The following PCBP3 variants were observed in gnomAD, a reference collection of about 807,000 sequenced individuals.
The protein encoded by PCBP3 is poly(rC)-binding protein 3.
PCBP3 carries 25 observed loss-of-function variants against 52.7 expected under a neutral mutation model. That is an observed-to-expected ratio of 0.47 (90% CI 0.35 to 0.66). The LOEUF (loss-of-function observed/expected upper bound fraction) is 0.66. Among genes scored for constraint, PCBP3 ranks in the 30% least tolerant of loss-of-function variants. PCBP3 has a pLI of 0.01. For missense variants in PCBP3, 391 were observed against 490.3 expected (o/e 0.80, Z 1.91); for synonymous variants, 162 against 183.0 (o/e 0.89, Z 0.93).
intron 1 of PCBP3, among the ~76,000 whole-genome samples, chr21:45,654,571 C>T (rs1395952148): frequency 6.6e-6 from 1 of 152,112 alleles, no homozygotes; most frequent in Non-Finnish European, 1.5e-5. Context: ...AATCTCTTGA[C>T]CTCGTGATCT....
intron 16 of PCBP3, among the ~76,000 whole-genome samples, chr21:45,938,848 G>A (rs2077151903): frequency 6.6e-6 from 1 of 152,310 alleles, no homozygotes; most frequent in Admixed American, 6.5e-5. Flanking sequence ...GACACCATAG[G>A]TCTCCTCAGG....
At chr21:45,834,234 C>A (rs1446889129) in intron 4 of PCBP3, among the ~76,000 whole-genome samples, 1 of 152,240 alleles carries the variant, frequency 6.6e-6, no homozygotes, top group Non-Finnish European at 1.5e-5. Context: ...CCGCACAGTG[C>A]CTGGAGCCCG....
chr21:45,703,144 A>G (rs888251787), intron 2 of PCBP3, among the ~76,000 whole-genome samples: 1 of 152,232 alleles, frequency 6.6e-6, no homozygotes, highest in African/African-American at 2.4e-5. Flanking sequence ...TAAAGGATGG[A>G]ACCCCTTAAA....
rs1168758088 is a variant in PCBP3, at chr21:45,830,504, G to A, written c.-125-19457G>A. ...GGGTGGAGTGAGGCCACTGACGCGG[G>A]AGCCCTGCTGTGGGGGGTGTGTGCG... On this transcript the variant is annotated intron_variant, in intron 4 of 17. Transcript: ENST00000681687. The surrounding 1 kb of genome is among the most constrained non-coding windows in gnomAD (Gnocchi z 4.4). The A allele has an allele frequency of 6.5e-6, 1 of 152,724 alleles. No homozygotes were observed. Among genetic ancestry groups the A allele is most frequent in the East Asian group, 1.9e-4 (1 of 5,156 alleles). The allele number at this position is 152,724 out of a possible 1,614,324, so 9.5% of individuals were successfully genotyped here.
intron 4 of PCBP3, among the ~76,000 whole-genome samples, chr21:45,833,419 C>T (rs1175418416): frequency 1.3e-5 from 2 of 152,184 alleles, no homozygotes; most frequent in African/African-American, 4.8e-5. Flanking sequence ...ACAGCACAAC[C>T]TTAGAACCTA....
chr21:45,739,180 A>T (rs1332197809), intron 3 of PCBP3, among the ~76,000 whole-genome samples: 3 of 36,944 alleles, frequency 8.1e-5, no homozygotes, highest in African/African-American at 2.3e-4. Context: ...GCCCTCCCCC[A>T]TCTTCATCAG....
At chr21:45,684,888 G>A (rs2082062077) in intron 2 of PCBP3, among the ~76,000 whole-genome samples, 1 of 152,158 alleles carries the variant, frequency 6.6e-6, no homozygotes, top group Non-Finnish European at 1.5e-5. Context: ...CATTCTTAGT[G>A]TTTATAGTGA....
chr21:45,842,935 C>T (rs12481977), intron 4 of PCBP3, among the ~76,000 whole-genome samples: 25,524 of 152,214 alleles, frequency 0.17, 2,350 homozygotes, highest in Middle Eastern at 0.3. Flanking sequence ...CCTTTCCCAT[C>T]CCTTTCCCTA....
At chr21:45,705,946 T>A (rs2083422873) in intron 2 of PCBP3, among the ~76,000 whole-genome samples, 1 of 152,220 alleles carries the variant, frequency 6.6e-6, no homozygotes, top group South Asian at 2.1e-4. Flanking sequence ...GACAGATCAT[T>A]CTTTTGCACA....
intron 2 of PCBP3, among the ~76,000 whole-genome samples, chr21:45,710,074 C>G (rs1202810470): frequency 6.6e-6 from 1 of 152,204 alleles, no homozygotes; most frequent in Non-Finnish European, 1.5e-5. Context: ...TGACTCATCA[C>G]TGTTCATGGT....
intron 1 of PCBP3, among the ~76,000 whole-genome samples, chr21:45,664,529 G>C (rs1222643138): frequency 6.6e-6 from 1 of 150,900 alleles, no homozygotes; most frequent in Non-Finnish European, 1.5e-5. Flanking sequence ...ATTTCAAGGG[G>C]ACTAAAATTA....
At position 45,724,743 on chromosome 21, in the gene PCBP3, G is replaced by A. The variant is rs1342757991; in HGVS notation, c.-199-10649G>A. ...CAGCTGGAGTGGCACTCTGTAACCC[G>A]CCCCCCCTCAGCTGGAGTGGCACTC... On this transcript the variant is annotated intron_variant, in intron 2 of 17. Coordinates refer to ENST00000681687, the MANE Select transcript of PCBP3 (RefSeq NM_001384156.1). The surrounding 1 kb of genome is among the most constrained non-coding windows in gnomAD (Gnocchi z 5.3). Among the ~76,000 whole-genome samples the A allele has an allele frequency of 6.6e-6, 1 of 151,322 alleles. No individual in the cohort carries two copies. Among genetic ancestry groups the A allele is most frequent in the Non-Finnish European group, 1.5e-5 (1 of 67,796 alleles).
In PCBP3 at chr21:45,755,873, G is replaced by C. The variant is rs73378554; in HGVS notation, c.-126+421G>C. ...TATTTTTCAAATGTTTTCTCCTAAAGTATGCCTTGAATTTTTATTTTCTTA... is the reference window on the plus strand; with the variant it reads ...TATTTTTCAAATGTTTTCTCCTAAACTATGCCTTGAATTTTTATTTTCTTA... On this transcript the variant is annotated intron_variant, in intron 4 of 17. Transcript: ENST00000681687. Among the ~76,000 whole-genome samples the C allele has an allele frequency of 4.9e-3, 743 of 152,168 alleles. 6 individuals carry two copies. Among genetic ancestry groups the C allele is most frequent in the African/African-American group, 0.016 (681 of 41,504 alleles).
At position 45,696,930 on chromosome 21, in the gene PCBP3, C is replaced by T. The variant is rs557010482; in HGVS notation, c.-200+27978C>T. 4.3e-4 allele frequency among the ~76,000 whole-genome samples: 65 copies of T among 152,190 alleles called. 1 individual carries two copies. In the South Asian group the frequency reaches 0.013, roughly 30 times the overall value. On this transcript the variant is annotated intron_variant, in intron 2 of 17. Coordinates refer to ENST00000681687, the MANE Select transcript of PCBP3 (RefSeq NM_001384156.1). Reference sequence around the variant, plus strand: ...TGATCCAGAAAGTACAGATTAAAACCACAGTGAGGTACCACAATAGCCTTT... The same window carrying T: ...TGATCCAGAAAGTACAGATTAAAACTACAGTGAGGTACCACAATAGCCTTT...
At chr21:45,811,466 C>A (rs1342736996) in intron 4 of PCBP3, among the ~76,000 whole-genome samples, 1 of 152,272 alleles carries the variant, frequency 6.6e-6, no homozygotes, top group African/African-American at 2.4e-5. Flanking sequence ...ATTAGAGTGG[C>A]CCCACCTGGA....
At chr21:45,929,881 A>G (rs756633345) in intron 13 of PCBP3, 36 bp from the exon 14 acceptor site, 3 of 1,529,030 alleles carry the variant, frequency 2.0e-6, no homozygotes, top group East Asian at 4.5e-5. Flanking sequence ...CTCGATGACA[A>G]TAACCTTCTT....
intron 5 of PCBP3, among the ~76,000 whole-genome samples, chr21:45,892,468 C>T (rs926205239): frequency 1.1e-4 from 3 of 26,868 alleles, no homozygotes; most frequent in Non-Finnish European, 1.8e-4. Context: ...TCTGACGGGG[C>T]GTGGGGGGGG....
chr21:45,917,760 C>G lies in PCBP3; in HGVS notation c.717+131C>G, dbSNP rs752522466. Reference sequence around the variant, plus strand: ...TAATCAACTTCTCAGCGTTCCTGACCTGTGTCGTATCCATATGACCTCGAA... The same window carrying G: ...TAATCAACTTCTCAGCGTTCCTGACGTGTGTCGTATCCATATGACCTCGAA... On this transcript the variant is annotated intron_variant, in intron 13 of 17. Transcript: ENST00000681687. The surrounding 1 kb of genome is among the most constrained non-coding windows in gnomAD (Gnocchi z 5.3). The G allele has an allele frequency of 1.2e-6, 1 of 809,010 alleles. No homozygotes were observed. Among genetic ancestry groups the G allele is most frequent in the African/African-American group, 1.7e-5 (1 of 59,412 alleles). 50.1% of individuals were successfully genotyped at this position (809,010 alleles called of 1,614,324 possible).
chr21:45,676,090 G>A (rs1474167385), intron 2 of PCBP3, among the ~76,000 whole-genome samples: 1 of 152,170 alleles, frequency 6.6e-6, no homozygotes, highest in East Asian at 1.9e-4. Flanking sequence ...TGGGTTAGGA[G>A]TTAAACTAGC....
Sources: gnomAD v4.1 joint callset for allele counts (sites outside exome capture counted in the v4.1 genomes callset) on GRCh38, gnomAD v4.1.1 for gene constraint, Gnocchi (gnomAD v3.1) non-coding constraint, MANE v1.5 for transcripts, NCBI Gene and HGNC (gene_info 2026-07-23, HGNC 2026-07-21) for gene names.